Variants in FN1 observed in about 807,000 individuals in gnomAD.
FN1 encodes fibronectin.
In FN1, 106 loss-of-function variants were observed where a neutral mutation model predicts 297.3. The ratio of observed to expected loss-of-function variants is 0.36; its 90% CI spans 0.30 to 0.42. The LOEUF is 0.42. Ranked by LOEUF, FN1 falls within the 10% of genes least tolerant of loss-of-function variation. The pLI is 1.00. For missense variants in FN1, 2,690 were observed against 3,124.9 expected (o/e 0.86, Z 3.32); for synonymous variants, 1,149 against 1,152.6 (o/e 1.00, Z 0.06).
intron 33 of FN1, 70 bp from the exon 34 acceptor site, chr2:215,379,387 C>T: frequency 2.1e-6 from 3 of 1,412,858 alleles, no homozygotes; most frequent in Non-Finnish European, 3.0e-6. Flanking sequence ...AAGTGAGTTC[C>T]AAGAAGTAGA....
At chr2:215,409,496 C>G (rs1421872357) in intron 15 of FN1, 67 bp downstream of exon 15, 1 of 1,500,866 alleles carries the variant, frequency 6.7e-7, no homozygotes, top group Admixed American at 1.7e-5. Flanking sequence ...TAGAGGCCAC[C>G]CACCCCCACA....
At chr2:215,394,797 G>C in intron 23 of FN1, 78 bp from the exon 24 acceptor site, 1 of 1,108,516 alleles carries the variant, frequency 9.0e-7, no homozygotes, top group Non-Finnish European at 1.4e-6. Context: ...TCCAATGATG[G>C]ATTCACAGGG....
intron 20 of FN1, among the ~76,000 whole-genome samples, chr2:215,400,932 A>C: frequency 6.6e-6 from 1 of 150,968 alleles, no homozygotes; most frequent in East Asian, 2.0e-4. Flanking sequence ...AGTAGCTGGG[A>C]CTACAGTTGC....
intron 32 of FN1, 131 bp downstream of exon 32, chr2:215,382,081 C>T (rs2058297275): frequency 4.3e-6 from 3 of 692,072 alleles, no homozygotes; most frequent in South Asian, 1.5e-5. Flanking sequence ...GTAAAGGGCT[C>T]AGCTCAAGAC....
chr2:215,383,549 T>G (rs2058495736), intron 30 of FN1, 66 bp from the exon 31 acceptor site: 1 of 1,512,070 alleles, frequency 6.6e-7, no homozygotes, highest in Non-Finnish European at 9.2e-7. Flanking sequence ...GGACAAGTCC[T>G]CCTCTCTAGG....
At chr2:215,426,856 T>C (rs1340036925) in intron 6 of FN1, among the ~76,000 whole-genome samples, 1 of 152,052 alleles carries the variant, frequency 6.6e-6, no homozygotes, top group African/African-American at 2.4e-5. Flanking sequence ...GACTGACATT[T>C]ATAATTTTTT....
chr2:215,383,910 C>T (rs1390443864), intron 30 of FN1, 110 bp downstream of exon 30: 2 of 1,272,018 alleles, frequency 1.6e-6, no homozygotes, highest in Admixed American at 1.9e-5. Flanking sequence ...GGTTGTTGCT[C>T]ATTAAAAAGG....
At chr2:215,394,999 C>T (rs1575513732) in intron 23 of FN1, among the ~76,000 whole-genome samples, 1 of 152,222 alleles carries the variant, frequency 6.6e-6, no homozygotes, top group East Asian at 1.9e-4. Context: ...CGCCAAGATC[C>T]TCACTTTAAA....
In FN1 at chr2:215,384,180, T is replaced by G; in HGVS notation, c.4734A>C (p.Gly1578=). 1 of 1,614,152 alleles carries G rather than the reference T, an allele frequency of 6.2e-7. No homozygotes were observed. Among genetic ancestry groups the G allele is most frequent in the South Asian group, 1.1e-5 (1 of 91,086 alleles). The change falls in exon 30 of 46, where the codon GGA becomes GGC. Residue 1578 remains glycine, a synonymous_variant. Transcript: ENST00000354785. Reference sequence around the variant, plus strand: ...CAGTGAACTCCTGGACAGGGCTATTTCCTCCTGTATGAAAAAGGGTTAGTT... The same window carrying G: ...CAGTGAACTCCTGGACAGGGCTATTGCCTCCTGTATGAAAAAGGGTTAGTT... The part of the protein sequence containing the change: ...YYRITYGETG[G]NSPVQEFTVP...
chr2:215,433,209 G>A (rs570809859), intron 3 of FN1, 115 bp downstream of exon 3: 2 of 1,338,458 alleles, frequency 1.5e-6, no homozygotes, highest in African/African-American at 1.4e-5. Context: ...TGGTCACCAG[G>A]GGCAAACCTC....
At chr2:215,433,888 G>A (rs574820723) in intron 2 of FN1, among the ~76,000 whole-genome samples, 1 of 152,290 alleles carries the variant, frequency 6.6e-6, no homozygotes, top group South Asian at 2.1e-4. Context: ...GATCACCTGA[G>A]GTCAGGAATT....
chr2:215,377,371 T>C (rs900045783), intron 35 of FN1, among the ~76,000 whole-genome samples: 1 of 152,182 alleles, frequency 6.6e-6, no homozygotes, highest in Non-Finnish European at 1.5e-5. Flanking sequence ...TGAGAGGTGT[T>C]TGGATCATGG....
In FN1 at chr2:215,361,618, A is replaced by AT; in HGVS notation, c.7370dup (p.Asn2457LysfsTer5). On this transcript the variant is annotated frameshift_variant, in exon 46 of 46. Coordinates refer to ENST00000354785, the MANE Select transcript of FN1 (RefSeq NM_212482.4). LOFTEE classifies it high-confidence loss of function. Reference sequence around the variant, plus strand: ...AAGGCATGAAGCACTCAATTGGGCAATTAACATTCTGTTAAAAAGGAAGAA... The same window carrying AT: ...AAGGCATGAAGCACTCAATTGGGCAATTTAACATTCTGTTAAAAAGGAAGAA... 1 of 1,610,506 alleles carries AT rather than the reference A, an allele frequency of 6.2e-7. No individual in the cohort carries two copies. Among genetic ancestry groups the AT allele is most frequent in the South Asian group, 1.1e-5 (1 of 91,016 alleles).
rs746922346 is a variant in FN1, at chr2:215,379,157, GCT to G, written c.5593_5594del (p.Ser1865LeufsTer15). ...PMKEINLAPD[S>X]SSVVVSGLMV... ...TAAGTCCTGATACAACCACGGATGA[GCT>G]GTCAGGAGCAAGGTTGATTTCTTTC... is the stretch of plus-strand genomic sequence containing the variant. On this transcript the variant is annotated frameshift_variant, in exon 34 of 46. Transcript: ENST00000354785. LOFTEE classifies it high-confidence loss of function. 6 of 1,613,982 alleles carry G rather than the reference GCT, an allele frequency of 3.7e-6. No individual in the cohort carries two copies. Among genetic ancestry groups the G allele is most frequent in the African/African-American group, 1.3e-5 (1 of 74,904 alleles).
intron 23 of FN1, among the ~76,000 whole-genome samples, chr2:215,396,393 A>C (rs577172865): frequency 2.3e-4 from 35 of 152,356 alleles, no homozygotes; most frequent in African/African-American, 7.7e-4. Context: ...GTTAACAACT[A>C]TCTTTATACA....
rs978172778 is a variant in FN1 at position 215,435,970 on chromosome 2, G to A, written c.-168C>T. ...AAGGGGACGGGTGGAGGGACAGAAG[G>A]GATGCAGAGGACCAGAGAAGTTGTG... is the stretch of plus-strand genomic sequence containing the variant. On this transcript the variant is annotated 5_prime_UTR_variant, in exon 1 of 46. Transcript: ENST00000354785. 2.9e-5 allele frequency: 40 copies of A among 1,382,632 alleles called. No homozygotes were observed. In the East Asian group the frequency reaches 4.3e-4, roughly 15 times the overall value. 85.6% of individuals were successfully genotyped at this position (1,382,632 alleles called of 1,614,324 possible). A position where few individuals can be genotyped will look rare whatever the true frequency, so the allele number is the denominator to read the frequency against.
intron 21 of FN1, among the ~76,000 whole-genome samples, chr2:215,398,717 C>G (rs370218193): frequency 1.3e-5 from 2 of 152,120 alleles, no homozygotes; most frequent in Non-Finnish European, 2.9e-5. Flanking sequence ...TTGTATTCAC[C>G]GCTTCCCTAA....
chr2:215,424,365 C>G, intron 7 of FN1, 40 bp from the exon 8 acceptor site: 6 of 1,535,858 alleles, frequency 3.9e-6, no homozygotes, highest in Non-Finnish European at 5.4e-6. Flanking sequence ...AACAGAGATG[C>G]TTTATCTCCC....
At chr2:215,364,703 A>T (rs1260371509) in intron 44 of FN1, 176 bp downstream of exon 44, 1 of 638,438 alleles carries the variant, frequency 1.6e-6, no homozygotes, top group Non-Finnish European at 2.8e-6. Flanking sequence ...AATGGCATGT[A>T]AGGTAGACAT....
Sources: gnomAD v4.1 joint callset for allele counts (sites outside exome capture counted in the v4.1 genomes callset) on GRCh38, gnomAD v4.1.1 for gene constraint, MANE v1.5 for transcripts, NCBI Gene and HGNC (gene_info 2026-07-23, HGNC 2026-07-21) for gene names.